Variants in CDH12 observed in about 807,000 individuals in gnomAD.
CDH12 encodes cadherin-12.
CDH12 carries 41 observed loss-of-function variants against 74.1 expected under a neutral mutation model. The observed-to-expected ratio is 0.55, with a 90% CI of 0.43 to 0.72. The LOEUF (loss-of-function observed/expected upper bound fraction) is 0.72, where lower values mean the gene tolerates loss of function less well. CDH12 is among the 30% of genes least tolerant of loss of function. The probability of loss-of-function intolerance (pLI) is 0.00; values close to 1 mark genes in which losing one functional copy is unlikely to be tolerated. For synonymous variants in CDH12, 399 were observed against 355.0 expected (o/e 1.12, Z -1.39); for missense variants, 945 against 977.2 (o/e 0.97, Z 0.44).
chr5:22,144,689 C>A (rs1161414493), intron 4 of CDH12, among the ~76,000 whole-genome samples: 5 of 151,976 alleles, frequency 3.3e-5, no homozygotes, highest in Non-Finnish European at 7.4e-5. Flanking sequence ...GCATTTCTTA[C>A]CATCTTGTTA....
chr5:21,973,047 T>TAA (rs746404771), intron 6 of CDH12, among the ~76,000 whole-genome samples: 4,435 of 103,582 alleles, frequency 0.043, 113 homozygotes, highest in South Asian at 0.11. Context: ...CTACAAAAAG[T>TAA]AAAAAAAAAA....
At chr5:22,769,953 C>T (rs948153368) in intron 1 of CDH12, among the ~76,000 whole-genome samples, 5 of 151,868 alleles carry the variant, frequency 3.3e-5, no homozygotes, top group East Asian at 1.9e-4. Context: ...ACAAGATACA[C>T]GCACGGACAC....
chr5:21,838,378 G>A (rs1749656837), intron 8 of CDH12, among the ~76,000 whole-genome samples: 1 of 152,050 alleles, frequency 6.6e-6, no homozygotes. Flanking sequence ...TGACCAACGT[G>A]GTGAAACCCC....
intron 6 of CDH12, among the ~76,000 whole-genome samples, chr5:21,882,018 C>T (rs142689707): frequency 1.3e-3 from 194 of 152,098 alleles, no homozygotes; most frequent in African/African-American, 4.3e-3. Context: ...AAATAATAAG[C>T]GTTTTACTAA....
chr5:22,452,293 A>G (rs982332194), intron 2 of CDH12, among the ~76,000 whole-genome samples: 2 of 152,172 alleles, frequency 1.3e-5, no homozygotes, highest in African/African-American at 4.8e-5. Flanking sequence ...GCAAAGCTGG[A>G]GGCATTTCAC....
intron 4 of CDH12, among the ~76,000 whole-genome samples, chr5:22,122,481 C>T (rs534189668): frequency 3.5e-4 from 54 of 152,148 alleles, no homozygotes; most frequent in African/African-American, 1.2e-3. Context: ...TTCCGAAGGA[C>T]TCATCTCCTA....
chr5:22,831,625 G>A (rs1387822659), intron 1 of CDH12, among the ~76,000 whole-genome samples: 11 of 152,146 alleles, frequency 7.2e-5, no homozygotes, highest in African/African-American at 2.6e-4. Context: ...AGCCGGGTAC[G>A]GTGGGTCACA....
chr5:22,361,227 C>T (rs1740787492), intron 3 of CDH12, among the ~76,000 whole-genome samples: 1 of 152,172 alleles, frequency 6.6e-6, no homozygotes, highest in African/African-American at 2.4e-5. Flanking sequence ...GCAACTTCAG[C>T]AAAGTCTCAG....
At chr5:22,071,674 C>T (rs537687516) in intron 5 of CDH12, among the ~76,000 whole-genome samples, 1 of 152,152 alleles carries the variant, frequency 6.6e-6, no homozygotes, top group African/African-American at 2.4e-5. Flanking sequence ...ATGGTTTTAA[C>T]TACCATCTGT....
At chr5:21,757,785 A>G (rs755348063) in intron 13 of CDH12, among the ~76,000 whole-genome samples, 1 of 152,198 alleles carries the variant, frequency 6.6e-6, no homozygotes, top group Non-Finnish European at 1.5e-5. Flanking sequence ...TGATGTGACT[A>G]TCTACCTAGT....
At chr5:22,541,809 A>G (rs1738113545) in intron 1 of CDH12, among the ~76,000 whole-genome samples, 1 of 152,220 alleles carries the variant, frequency 6.6e-6, no homozygotes, top group African/African-American at 2.4e-5. Context: ...AGGACCTAAG[A>G]TTTGGGATGT....
At chr5:22,265,180 G>T (rs1325195184) in intron 3 of CDH12, among the ~76,000 whole-genome samples, 1 of 152,066 alleles carries the variant, frequency 6.6e-6, no homozygotes, top group Non-Finnish European at 1.5e-5. Context: ...TATAAATGGG[G>T]TACCCATTAT....
intron 4 of CDH12, among the ~76,000 whole-genome samples, chr5:22,099,120 A>G (rs1743983678): frequency 6.6e-6 from 1 of 152,186 alleles, no homozygotes. Context: ...TAGTCTAGGT[A>G]GACACTTTTA....
intron 1 of CDH12, among the ~76,000 whole-genome samples, chr5:22,818,600 T>C (rs1749509090): frequency 6.6e-6 from 1 of 152,180 alleles, no homozygotes; most frequent in African/African-American, 2.4e-5. Context: ...AAAATCTAAA[T>C]ATTTAAAACA....
intron 1 of CDH12, among the ~76,000 whole-genome samples, chr5:22,728,143 CATTA>C (rs1379464816): frequency 3.3e-5 from 5 of 151,824 alleles, no homozygotes; most frequent in East Asian, 3.9e-4. Flanking sequence ...TTCCTCCCAT[CATTA>C]ATTATTTCTT....
chr5:22,218,083 T>G (rs958428997), intron 3 of CDH12, among the ~76,000 whole-genome samples: 6 of 151,606 alleles, frequency 4.0e-5, no homozygotes, highest in African/African-American at 1.5e-4. Context: ...GAAAAAAAAC[T>G]CTCATTACGT....
intron 3 of CDH12, among the ~76,000 whole-genome samples, chr5:22,333,518 G>A (rs1455448488): frequency 6.6e-6 from 1 of 151,966 alleles, no homozygotes; most frequent in Non-Finnish European, 1.5e-5. Context: ...AAAAGCCCAG[G>A]ATCCGATGGC....
At chr5:22,750,771 AATAGTAAAAT>A (rs2127033738) in intron 1 of CDH12, among the ~76,000 whole-genome samples, 1 of 152,290 alleles carries the variant, frequency 6.6e-6, no homozygotes, top group East Asian at 1.9e-4. Context: ...TCAACAAAAT[AATAGTAAAAT>A]ACCTGCAAGA....
chr5:22,346,649 A>ACGTGGTAC (rs1740128882), intron 3 of CDH12, among the ~76,000 whole-genome samples: 7 of 152,222 alleles, frequency 4.6e-5, no homozygotes, highest in Non-Finnish European at 8.8e-5. Context: ...GTGGCATGAA[A>ACGTGGTAC]GTTGAACATG....
Sources: gnomAD v4.1 joint callset for allele counts (sites outside exome capture counted in the v4.1 genomes callset) on GRCh38, gnomAD v4.1.1 for gene constraint, MANE v1.5 for transcripts, NCBI Gene and HGNC (gene_info 2026-07-23, HGNC 2026-07-21) for gene names.